RBFOX1: variants seen among roughly 807,000 people sequenced by gnomAD.
RBFOX1 encodes the protein RNA binding protein fox-1 homolog 1.
Under a neutral mutation model 57.7 loss-of-function variants are expected in RBFOX1, and 8 were observed. That is an observed-to-expected ratio of 0.14 (90% CI 0.08 to 0.25). RBFOX1 has a LOEUF of 0.25. Among genes scored for constraint, RBFOX1 ranks in the 10% least tolerant of loss-of-function variants. The probability of loss-of-function intolerance (pLI) is 1.00; values close to 1 mark genes in which losing one functional copy is unlikely to be tolerated. For missense variants in RBFOX1, 611 were observed against 548.5 expected, an observed-to-expected ratio of 1.11 and a Z score of -1.14; for synonymous variants, 326 against 222.4, an observed-to-expected ratio of 1.47 and a Z score of -4.15.
At chr16:6,827,952 C>G (rs57812432) in intron 3 of RBFOX1, among the ~76,000 whole-genome samples, 1 of 152,072 alleles carries the variant, frequency 6.6e-6, no homozygotes, top group African/African-American at 2.4e-5. Context: ...GTTGTTTCCA[C>G]TAGACTCTAT....
intron 7 of RBFOX1, among the ~76,000 whole-genome samples, chr16:7,589,653 G>A (rs1303661243): frequency 6.6e-6 from 1 of 151,828 alleles, no homozygotes; most frequent in Non-Finnish European, 1.5e-5. Flanking sequence ...ACTGCTAAAT[G>A]GGGGCAGCAG....
intron 3 of RBFOX1, among the ~76,000 whole-genome samples, chr16:6,686,314 G>A (rs948503043): frequency 6.6e-6 from 1 of 152,162 alleles, no homozygotes; most frequent in Non-Finnish European, 1.5e-5. Flanking sequence ...ACAGATTTGT[G>A]TGGGCTTAGT....
intron 3 of RBFOX1, among the ~76,000 whole-genome samples, chr16:5,671,545 A>G (rs765673531): frequency 6.6e-6 from 1 of 152,254 alleles, no homozygotes; most frequent in Non-Finnish European, 1.5e-5. Flanking sequence ...AATGTCAGTC[A>G]TGGGTGTTAT....
intron 4 of RBFOX1, among the ~76,000 whole-genome samples, chr16:5,949,798 C>A (rs934792564): frequency 1.3e-5 from 2 of 152,136 alleles, no homozygotes; most frequent in East Asian, 1.9e-4. Flanking sequence ...TCATCCCAAG[C>A]CTATTGAATC....
At chr16:5,460,326 C>T (rs2068751702) in intron 1 of RBFOX1, among the ~76,000 whole-genome samples, 2 of 152,168 alleles carry the variant, frequency 1.3e-5, no homozygotes, top group African/African-American at 4.8e-5. Context: ...GTGGTCTTAT[C>T]ATAAGGACTA....
intron 3 of RBFOX1, among the ~76,000 whole-genome samples, chr16:6,916,065 C>T (rs565284092): frequency 2.6e-5 from 4 of 152,258 alleles, no homozygotes; most frequent in Non-Finnish European, 5.9e-5. Context: ...TGCTACTCCC[C>T]AGACCCAGGG....
chr16:6,652,951 C>A (rs1359295494), intron 2 of RBFOX1, among the ~76,000 whole-genome samples: 1 of 152,170 alleles, frequency 6.6e-6, no homozygotes, highest in East Asian at 1.9e-4. Flanking sequence ...AGTGGTTTCT[C>A]ACTGATCTCA....
intron 2 of RBFOX1, among the ~76,000 whole-genome samples, chr16:6,349,069 G>A (rs2152841015): frequency 6.6e-6 from 1 of 152,250 alleles, no homozygotes; most frequent in African/African-American, 2.4e-5. Context: ...TGTTGGCTAG[G>A]CGAGCTGATG....
chr16:6,746,142 A>T (rs1380511731), intron 3 of RBFOX1, among the ~76,000 whole-genome samples: 5 of 152,174 alleles, frequency 3.3e-5, no homozygotes. Flanking sequence ...ATGTGAGCAT[A>T]CAGGCCAATA....
chr16:5,808,031 G>C (rs542222831), intron 3 of RBFOX1, among the ~76,000 whole-genome samples: 1 of 152,286 alleles, frequency 6.6e-6, no homozygotes, highest in East Asian at 1.9e-4. Context: ...TTCTATGCCT[G>C]AATCCTAAGA....
intron 3 of RBFOX1, among the ~76,000 whole-genome samples, chr16:6,964,892 C>T (rs1331692193): frequency 6.6e-6 from 1 of 152,162 alleles, no homozygotes; most frequent in African/African-American, 2.4e-5. Context: ...TCCTTAACCT[C>T]CTCCCTGACT....
rs1034030897 is a variant in RBFOX1, at chr16:6,861,823, G to T, written c.-15-190234G>T. Among the ~76,000 whole-genome samples, 445 of 92,360 alleles carry T rather than the reference G, an allele frequency of 4.8e-3. 4 individuals are homozygous for T. Among genetic ancestry groups the T allele is most frequent in the Non-Finnish European group, 7.1e-3 (367 of 51,722 alleles). The allele number at this position is 92,360 out of a possible 152,430, so 60.6% of individuals were successfully genotyped here. A position where few individuals can be genotyped will look rare whatever the true frequency, so the allele number is the denominator to read the frequency against. Reference sequence around the variant, plus strand: ...CCTCTTTCCTAGCCAGCGTCCCTTGGTTTTTTTTTTTTTTTTTTTTTGGTT... The same window carrying T: ...CCTCTTTCCTAGCCAGCGTCCCTTGTTTTTTTTTTTTTTTTTTTTTTGGTT... On this transcript the variant is annotated intron_variant, in intron 3 of 15. Transcript: ENST00000550418.
chr16:7,016,311 C>A (rs991289437), intron 3 of RBFOX1, among the ~76,000 whole-genome samples: 1 of 152,120 alleles, frequency 6.6e-6, no homozygotes, highest in Non-Finnish European at 1.5e-5. Flanking sequence ...ACTATTCAAA[C>A]TGAAGACTGG....
At chr16:5,572,241 T>C (rs1219615720) in intron 2 of RBFOX1, among the ~76,000 whole-genome samples, 1 of 152,170 alleles carries the variant, frequency 6.6e-6, no homozygotes, top group Admixed American at 6.5e-5. Context: ...CTCTCCAGGC[T>C]TTCTGGGAAG....
intron 2 of RBFOX1, among the ~76,000 whole-genome samples, chr16:5,567,018 C>G (rs926225833): frequency 6.6e-6 from 1 of 152,158 alleles, no homozygotes; most frequent in East Asian, 1.9e-4. Context: ...CTCACTTTAA[C>G]CAGAAAAAGA....
intron 2 of RBFOX1, among the ~76,000 whole-genome samples, chr16:6,645,321 G>C (rs1456372630): frequency 6.6e-6 from 1 of 152,050 alleles, no homozygotes; most frequent in African/African-American, 2.4e-5. Context: ...CATATCTTTT[G>C]GGGGGCTGCT....
chr16:7,243,373 A>G (rs1296556317), intron 4 of RBFOX1, among the ~76,000 whole-genome samples: 1 of 152,180 alleles, frequency 6.6e-6, no homozygotes, highest in Non-Finnish European at 1.5e-5. Context: ...AAGAGACATC[A>G]TGGTCACTTT....
rs574282691 is a variant in RBFOX1 at position 5,681,330 on chromosome 16, C to T, written c.318+82369C>T. On this transcript the variant is annotated intron_variant, in intron 3 of 19. Coordinates refer to the RBFOX1 transcript ENST00000641259. ...CGATCTCCTGACCTTGTGATCCACC[C>T]GCCTCGGCCTCCCAAAGTGTTGGGA... 2.1e-3 allele frequency among the ~76,000 whole-genome samples: 320 copies of T among 151,268 alleles called. 1 individual carries two copies. Among genetic ancestry groups the T allele is most frequent in the African/African-American group, 7.3e-3 (302 of 41,192 alleles).
intron 2 of RBFOX1, among the ~76,000 whole-genome samples, chr16:5,475,341 A>G (rs1431142112): frequency 6.6e-6 from 1 of 152,206 alleles, no homozygotes; most frequent in African/African-American, 2.4e-5. Context: ...ATTTAAGTTG[A>G]GCCTTGAAGT....
Sources: gnomAD v4.1 joint callset for allele counts (sites outside exome capture counted in the v4.1 genomes callset) on GRCh38, gnomAD v4.1.1 for gene constraint, MANE v1.5 for transcripts, NCBI Gene and HGNC (gene_info 2026-07-23, HGNC 2026-07-21) for gene names.